The following ELL variants were observed in gnomAD, a reference collection of about 807,000 sequenced individuals.
ELL encodes the protein RNA polymerase II elongation factor ELL.
A neutral mutation model predicts 64.0 loss-of-function variants in ELL; 18 were observed. The observed-to-expected ratio is 0.28, with a 90% confidence interval of 0.19 to 0.42. The LOEUF is 0.42. Ranked by LOEUF, ELL falls within the 10% of genes least tolerant of loss-of-function variation. The pLI is 1.00. For missense variants in ELL, 797 were observed against 870.4 expected (o/e 0.92, Z 1.06); for synonymous variants, 399 against 376.2 (o/e 1.06, Z -0.70).
At chr19:18,510,317 C>A (rs1172144128) in intron 1 of ELL, among the ~76,000 whole-genome samples, 1 of 152,182 alleles carries the variant, frequency 6.6e-6, no homozygotes, top group Non-Finnish European at 1.5e-5. Flanking sequence ...TTGCAGTGAG[C>A]CAAGAATCAC....
intron 1 of ELL, among the ~76,000 whole-genome samples, chr19:18,504,069 G>A (rs978442545): frequency 6.6e-6 from 1 of 152,250 alleles, no homozygotes; most frequent in Non-Finnish European, 1.5e-5. Context: ...TGGCTGCAGC[G>A]TGCAGAGGAT....
At chr19:18,479,273 G>A (rs1033249834) in intron 1 of ELL, among the ~76,000 whole-genome samples, 2 of 152,202 alleles carry the variant, frequency 1.3e-5, no homozygotes, top group African/African-American at 4.8e-5. Context: ...GTCAAGCAGT[G>A]CAGGGGCTGA....
At chr19:18,516,674 C>G (rs1976138775) in intron 1 of ELL, among the ~76,000 whole-genome samples, 1 of 152,114 alleles carries the variant, frequency 6.6e-6, no homozygotes, top group African/African-American at 2.4e-5. Flanking sequence ...CCCCCAGGAG[C>G]CAGCTCTGGG....
rs192565651 is a variant in ELL at position 18,518,607 on chromosome 19, A to G, written c.135+3314T>C. On this transcript the variant is annotated intron_variant, in intron 1 of 11. Transcript: ENST00000262809. The stretch of plus-strand genomic sequence containing the variant: ...AGGAGTTTGAGACCATCCTGACCAC[A>G]TGGTAAAACCCCATCTCTACCAAAA... Among the ~76,000 whole-genome samples, 4 of 152,008 alleles carry G rather than the reference A, an allele frequency of 2.6e-5. No individual in the cohort carries two copies. In the East Asian group the frequency reaches 5.8e-4, roughly 22 times the overall value.
intron 1 of ELL, among the ~76,000 whole-genome samples, chr19:18,505,758 G>A (rs1387433229): frequency 2.0e-5 from 3 of 152,144 alleles, no homozygotes; most frequent in African/African-American, 7.2e-5. Context: ...CTGGGACACA[G>A]CTCCCTGAAC....
At chr19:18,498,152 G>A (rs998888861) in intron 1 of ELL, among the ~76,000 whole-genome samples, 6 of 151,998 alleles carry the variant, frequency 3.9e-5, no homozygotes, top group African/African-American at 1.4e-4. Flanking sequence ...GTCAGTGCAG[G>A]CTCATCCATT....
intron 4 of ELL, 74 bp from the exon 5 acceptor site, chr19:18,461,926 GC>G: frequency 6.5e-7 from 1 of 1,543,430 alleles, no homozygotes. Context: ...CTGACCAGGT[GC>G]CCAGAGGTTT....
chr19:18,500,338 C>T (rs1975755480), intron 1 of ELL, among the ~76,000 whole-genome samples: 1 of 152,042 alleles, frequency 6.6e-6, no homozygotes, highest in Admixed American at 6.5e-5. Context: ...ACAGGTGTGA[C>T]CATGAGGCTT....
chr19:18,500,994 C>A (rs1056617798), intron 1 of ELL, among the ~76,000 whole-genome samples: 1 of 152,130 alleles, frequency 6.6e-6, no homozygotes, highest in African/African-American at 2.4e-5. Flanking sequence ...CAGAGCAGAA[C>A]CTGCAGGGAA....
intron 1 of ELL, among the ~76,000 whole-genome samples, chr19:18,474,184 CA>C (rs202163868): frequency 0.011 from 1,702 of 152,366 alleles, 17 homozygotes; most frequent in South Asian, 0.049. Context: ...TTGGGAAAGA[CA>C]GGAGCTGCTA....
chr19:18,505,876 C>G (rs961656334), intron 1 of ELL, among the ~76,000 whole-genome samples: 1 of 152,172 alleles, frequency 6.6e-6, no homozygotes, highest in African/African-American at 2.4e-5. Context: ...TGACCCCACA[C>G]AGCAGAGGGA....
chr19:18,518,484 T>G (rs977798020), intron 1 of ELL, among the ~76,000 whole-genome samples: 12 of 129,590 alleles, frequency 9.3e-5, no homozygotes, highest in African/African-American at 3.3e-4. Flanking sequence ...AGCAAAACCC[T>G]GTCTCAAAAA....
At chr19:18,482,450 C>G (rs906234311) in intron 1 of ELL, among the ~76,000 whole-genome samples, 5 of 151,404 alleles carry the variant, frequency 3.3e-5, no homozygotes, top group Non-Finnish European at 2.9e-5. Flanking sequence ...CTGCCTCTGC[C>G]TCTGCCTCCC....
chr19:18,481,057 C>T (rs934729784), intron 1 of ELL, among the ~76,000 whole-genome samples: 3 of 152,212 alleles, frequency 2.0e-5, no homozygotes, highest in Non-Finnish European at 2.9e-5. Flanking sequence ...ACACGCTCCA[C>T]GCACCTTGCT....
intron 6 of ELL, among the ~76,000 whole-genome samples, chr19:18,457,236 G>A (rs1458335119): frequency 1.3e-5 from 2 of 152,222 alleles, no homozygotes; most frequent in South Asian, 2.1e-4. Flanking sequence ...CCCCAGAGGT[G>A]CAGCCCAGCC....
chr19:18,499,716 G>A (rs1474716385), intron 1 of ELL, among the ~76,000 whole-genome samples: 5 of 152,078 alleles, frequency 3.3e-5, no homozygotes, highest in Non-Finnish European at 5.9e-5. Flanking sequence ...ACCACCTCAC[G>A]GCATCTGCTC....
intron 1 of ELL, among the ~76,000 whole-genome samples, chr19:18,495,536 T>A (rs991606647): frequency 2.0e-5 from 3 of 152,154 alleles, no homozygotes; most frequent in Non-Finnish European, 2.9e-5. Flanking sequence ...AAAGGCTTCT[T>A]GGAAGCAGCG....
chr19:18,517,808 G>A (rs912549640), intron 1 of ELL, among the ~76,000 whole-genome samples: 16 of 150,648 alleles, frequency 1.1e-4, no homozygotes, highest in African/African-American at 3.7e-4. Context: ...GATCACTTAA[G>A]CCCAGGAGTT....
intron 11 of ELL, 91 bp downstream of exon 11, chr19:18,445,133 G>A (rs974837459): frequency 9.9e-5 from 153 of 1,544,816 alleles, no homozygotes; most frequent in Non-Finnish European, 1.2e-4. Flanking sequence ...CACCTTGGAA[G>A]TAGCGGGCAG....
Sources: allele counts gnomAD v4.1 joint callset (sites outside exome capture counted in the v4.1 genomes callset), GRCh38; gene constraint gnomAD v4.1.1; transcripts MANE v1.5; gene names NCBI Gene and HGNC (gene_info 2026-07-23, HGNC 2026-07-21).